Variants in NFATC3 observed in about 807,000 individuals in gnomAD.
NFATC3 encodes the protein nuclear factor of activated T cells 3, also known as nuclear factor of activated T-cells, cytoplasmic 3.
NFATC3 carries 46 observed loss-of-function variants against 98.6 expected under a neutral mutation model. The ratio of observed to expected loss-of-function variants is 0.47; its 90% confidence interval spans 0.37 to 0.60. NFATC3 has a LOEUF of 0.60. NFATC3 is among the 20% of genes least tolerant of loss of function. The pLI is 0.00. For synonymous variants in NFATC3, 512 were observed against 472.2 expected (o/e 1.08, Z -1.09); for missense variants, 1,256 against 1,295.5 (o/e 0.97, Z 0.47).
chr16:68,174,028 C>G (rs1263003856), intron 5 of NFATC3, among the ~76,000 whole-genome samples: 5 of 151,994 alleles, frequency 3.3e-5, no homozygotes, highest in Non-Finnish European at 7.4e-5. Context: ...GCATCTGTAA[C>G]CCCAGCTACT....
intron 4 of NFATC3, among the ~76,000 whole-genome samples, chr16:68,160,792 C>G (rs757763868): frequency 4.6e-5 from 7 of 152,064 alleles, no homozygotes; most frequent in Non-Finnish European, 8.8e-5. Flanking sequence ...TCAAGTGATT[C>G]TCGTGCTTCA....
intron 9 of NFATC3, among the ~76,000 whole-genome samples, chr16:68,215,895 A>AT (rs1242493050): frequency 7.9e-5 from 12 of 151,466 alleles, no homozygotes; most frequent in Non-Finnish European, 1.2e-4. Context: ...CGCCCGGCTA[A>AT]TTTTTTGTAT....
intron 9 of NFATC3, among the ~76,000 whole-genome samples, chr16:68,195,338 G>A (rs530692328): frequency 2.0e-4 from 30 of 152,264 alleles, no homozygotes; most frequent in African/African-American, 7.2e-4. Context: ...ACCCCTCAGG[G>A]GACTTAATAG....
chr16:68,223,894 CAA>C (rs1190287100), intron 9 of NFATC3, among the ~76,000 whole-genome samples: 27 of 58,296 alleles, frequency 4.6e-4, no homozygotes, highest in Middle Eastern at 9.8e-3. Flanking sequence ...GACTCCATCT[CAA>C]AAAAAAAAAA....
rs375382397 is a variant in NFATC3 at position 68,191,446 on chromosome 16, C to T, written c.2777C>T (p.Ala926Val). Reference protein sequence around the residue: ...GPSHSGSATTASPAASHPLAS... With the variant: ...GPSHSGSATTVSPAASHPLAS... ...TCACATTCAGGGTCTGCTACAACAGCTTCCCCAGCAGCTTCTCATCCCTTG... is the reference window on the plus strand; with the variant it reads ...TCACATTCAGGGTCTGCTACAACAGTTTCCCCAGCAGCTTCTCATCCCTTG... The change falls in exon 9 of 10, where the codon GCT (alanine) becomes GTT (valine). Residue 926 changes from alanine (A) to valine (V), a missense_variant. By Grantham distance (64) the Ala-to-Val change is moderately conservative (BLOSUM62 0). Coordinates refer to ENST00000346183, the MANE Select transcript of NFATC3 (RefSeq NM_173165.3). 6.2e-7 allele frequency: 1 copy of T among 1,614,008 alleles called. No homozygotes were observed. The highest frequency in any genetic ancestry group is 8.5e-7 in the Non-Finnish European group (1 of 1,180,042).
chr16:68,206,699 G>C (rs2041159364), intron 9 of NFATC3, among the ~76,000 whole-genome samples: 1 of 152,020 alleles, frequency 6.6e-6, no homozygotes, highest in Non-Finnish European at 1.5e-5. Context: ...AAAATAATTT[G>C]GGCCTAGGCA....
intron 1 of NFATC3, among the ~76,000 whole-genome samples, chr16:68,090,322 AACACACACACACACAC>A (rs60304758): frequency 7.9e-6 from 1 of 125,802 alleles, no homozygotes; most frequent in Non-Finnish European, 1.7e-5. Context: ...TTTCTTTAAA[AACACACACACACACAC>A]ACGCACACAC....
rs1337022237 is a variant in NFATC3, at chr16:68,181,542, A to G, written c.1971+12A>G. The G allele has an allele frequency of 6.4e-7, 1 of 1,571,714 alleles. No homozygotes were observed. The highest frequency in any genetic ancestry group is 1.7e-5 in the Admixed American group (1 of 59,692). On this transcript the variant is annotated intron_variant, in intron 7 of 9. Coordinates refer to ENST00000346183, the MANE Select transcript of NFATC3 (RefSeq NM_173165.3). ...AAAAATGTCAAGGGGTAAGAAATTT[A>G]CCTTAATTCTTAAGAAATATTTAAG...
chr16:68,126,995 A>G (rs1567511269), intron 3 of NFATC3, among the ~76,000 whole-genome samples: 1 of 152,168 alleles, frequency 6.6e-6, no homozygotes, highest in Admixed American at 6.5e-5. Flanking sequence ...CAGGTGGATC[A>G]CTAGCTCAGG....
intron 1 of NFATC3, among the ~76,000 whole-genome samples, chr16:68,098,311 T>A (rs1487456473): frequency 9.4e-5 from 13 of 137,824 alleles, no homozygotes; most frequent in African/African-American, 2.7e-4. Context: ...TTTTTTTTTT[T>A]TTTTTTTTAG....
At chr16:68,221,353 A>G in intron 9 of NFATC3, 2 of 1,595,368 alleles carry the variant, frequency 1.3e-6, no homozygotes, top group Non-Finnish European at 8.5e-7. Context: ...GAGGACTTGC[A>G]TGATTAACAC....
At position 68,100,090 on chromosome 16, in the gene NFATC3, G is replaced by A. The variant is rs1005215789; in HGVS notation, c.103+14306G>A. The stretch of plus-strand genomic sequence containing the variant: ...TTGCTGAGTAGTGTTCCATCATATG[G>A]ATGTACTACAGTTTAATTGTTTACC... On this transcript the variant is annotated intron_variant, in intron 1 of 9. Transcript: ENST00000346183. 5.9e-5 allele frequency among the ~76,000 whole-genome samples: 9 copies of A among 152,184 alleles called. No homozygotes were observed. The East Asian group carries it at 1.5e-3, about 26-fold the overall frequency.
intron 3 of NFATC3, among the ~76,000 whole-genome samples, chr16:68,131,169 T>G (rs1447025616): frequency 6.6e-6 from 1 of 152,226 alleles, no homozygotes; most frequent in African/African-American, 2.4e-5. Flanking sequence ...GATTGTTTTT[T>G]CTATTTCTAT....
chr16:68,213,453 T>A (rs1423387128), intron 9 of NFATC3, among the ~76,000 whole-genome samples: 2 of 147,958 alleles, frequency 1.4e-5, no homozygotes, highest in African/African-American at 2.6e-5. Flanking sequence ...TTAAAAAAAA[T>A]AAAAATTAAA....
chr16:68,102,981 G>A (rs1401767104), intron 1 of NFATC3, among the ~76,000 whole-genome samples: 1 of 151,904 alleles, frequency 6.6e-6, no homozygotes, highest in Non-Finnish European at 1.5e-5. Context: ...CTTTTCATGT[G>A]CATGTTGGTC....
At chr16:68,183,462 G>A in intron 8 of NFATC3, 96 bp downstream of exon 8, 1 of 1,375,344 alleles carries the variant, frequency 7.3e-7, no homozygotes, top group Non-Finnish European at 9.8e-7. Context: ...AAGGTAGAGT[G>A]CTTATAAACA....
chr16:68,146,152 A>G (rs1439354766), intron 3 of NFATC3, among the ~76,000 whole-genome samples: 7 of 152,174 alleles, frequency 4.6e-5, no homozygotes, highest in Non-Finnish European at 5.9e-5. Flanking sequence ...TGGGTGTCAT[A>G]TCAGTGCTCA....
chr16:68,092,833 T>C lies in NFATC3; in HGVS notation c.103+7049T>C, dbSNP rs145303384. On this transcript the variant is annotated intron_variant, in intron 1 of 9. Transcript: ENST00000346183. Reference sequence around the variant, plus strand: ...GTTAAACTTCAAAAATTGACTTAGCTTATTGCTATCCTTTTATTGGGTTAG... The same window carrying C: ...GTTAAACTTCAAAAATTGACTTAGCCTATTGCTATCCTTTTATTGGGTTAG... Among the ~76,000 whole-genome samples, 770 of 152,352 alleles carry C rather than the reference T, an allele frequency of 5.1e-3. 8 individuals are homozygous for C. Among genetic ancestry groups the C allele is most frequent in the African/African-American group, 0.017 (702 of 41,574 alleles).
At chr16:68,189,929 C>T (rs537595026) in intron 8 of NFATC3, among the ~76,000 whole-genome samples, 15 of 152,136 alleles carry the variant, frequency 9.9e-5, no homozygotes, top group East Asian at 1.9e-4. Flanking sequence ...TGGTGGCGCA[C>T]GCCTGTATTC....
Sources: allele counts gnomAD v4.1 joint callset (sites outside exome capture counted in the v4.1 genomes callset), GRCh38; gene constraint gnomAD v4.1.1; transcripts MANE v1.5; gene names NCBI Gene and HGNC (gene_info 2026-07-23, HGNC 2026-07-21).